Variants in EYS observed in about 807,000 individuals in gnomAD.
EYS encodes EGF-like photoreceptor maintenance factor.
Under a neutral mutation model 282.1 loss-of-function variants are expected in EYS, and 250 were observed. The observed-to-expected ratio is 0.89, with a 90% CI of 0.80 to 0.98. EYS has a LOEUF of 0.98. EYS is among the 50% of genes least tolerant of loss of function. EYS has a pLI of 0.00. For missense variants in EYS, 4,016 were observed against 3,709.0 expected (o/e 1.08, Z -2.15); for synonymous variants, 1,355 against 1,282.9 (o/e 1.06, Z -1.20).
intron 12 of EYS, among the ~76,000 whole-genome samples, chr6:65,135,701 T>C (rs561784068): frequency 6.6e-6 from 1 of 152,062 alleles, no homozygotes; most frequent in South Asian, 2.1e-4. Flanking sequence ...ATCTGTCCAA[T>C]TTGGTATTTT....
intron 40 of EYS, among the ~76,000 whole-genome samples, chr6:63,765,659 C>T (rs1769769661): frequency 6.6e-6 from 1 of 151,906 alleles, no homozygotes; most frequent in Non-Finnish European, 1.5e-5. Flanking sequence ...TCCAATTATA[C>T]TTCCTTAGTT....
chr6:64,230,609 C>T lies in EYS; in HGVS notation c.6407G>A (p.Gly2136Asp). Residue 2136 changes from glycine (G) to aspartate (D), a missense_variant, in exon 31 of 43, where the codon GGC becomes GAC. Gly to Asp is a moderately conservative substitution (Grantham distance 94). Transcript: ENST00000503581. ...FQCDCPLHFTGRFCEKDAGLF... is the reference protein window; with the variant it reads ...FQCDCPLHFTDRFCEKDAGLF... ...TTGATTACCTTTTTCACAGAAGCGG[C>T]CAGTGAAATGTAGTGGACAGTCACA... The T allele has an allele frequency of 1.9e-6, 3 of 1,546,338 alleles. No homozygotes were observed. Among genetic ancestry groups the T allele is most frequent in the Non-Finnish European group, 2.6e-6 (3 of 1,142,524 alleles).
At chr6:64,508,711 G>A (rs575757236) in intron 26 of EYS, among the ~76,000 whole-genome samples, 1 of 151,794 alleles carries the variant, frequency 6.6e-6, no homozygotes, top group Admixed American at 6.6e-5. Context: ...GAAGAGCTTT[G>A]GTTTATGTGA....
At chr6:64,757,241 C>T (rs1772970706) in intron 22 of EYS, among the ~76,000 whole-genome samples, 1 of 152,238 alleles carries the variant, frequency 6.6e-6, no homozygotes, top group African/African-American at 2.4e-5. Context: ...AGGAATCCTT[C>T]TCCAACCTGA....
chr6:64,261,802 T>C (rs1767599109), intron 30 of EYS, among the ~76,000 whole-genome samples: 1 of 151,932 alleles, frequency 6.6e-6, no homozygotes, highest in East Asian at 1.9e-4. Flanking sequence ...TTTTTTTTCT[T>C]TTTCTGGAGT....
chr6:63,995,031 A>G (rs574159126), intron 34 of EYS, among the ~76,000 whole-genome samples: 65 of 152,072 alleles, frequency 4.3e-4, no homozygotes, highest in African/African-American at 1.5e-3. Flanking sequence ...AGTGGGACCT[A>G]TGTCAAAAAA....
intron 5 of EYS, among the ~76,000 whole-genome samples, chr6:65,434,470 G>A (rs866947410): frequency 1.2e-4 from 19 of 152,008 alleles, no homozygotes; most frequent in Non-Finnish European, 2.1e-4. Context: ...ACAGGCGCCC[G>A]CCACCACGCC....
At chr6:64,881,332 A>C (rs1232446484) in intron 19 of EYS, among the ~76,000 whole-genome samples, 1 of 151,816 alleles carries the variant, frequency 6.6e-6, no homozygotes, top group Non-Finnish European at 1.5e-5. Context: ...CTAAGTGCCG[A>C]ATGATGTTGT....
Position 65,417,424 on chromosome 6 carries a change from A to T in EYS, c.863-12057T>A, listed in dbSNP as rs149502213. ...GACTTTGCTAAGTTTCTAATGTGTG[A>T]CTCTCACCACTCAGCTCTTCCACTT... On this transcript the variant is annotated intron_variant, in intron 5 of 42. Coordinates refer to ENST00000503581, the MANE Select transcript of EYS (RefSeq NM_001142800.2). Among the ~76,000 whole-genome samples the T allele has an allele frequency of 8.6e-5, 13 of 151,956 alleles. No individual in the cohort carries two copies. The East Asian group carries it at 2.5e-3, about 30-fold the overall frequency.
chr6:64,425,557 G>A (rs1774376056), intron 28 of EYS, among the ~76,000 whole-genome samples: 1 of 151,608 alleles, frequency 6.6e-6, no homozygotes, highest in Non-Finnish European at 1.5e-5. Context: ...GAGAGGCTCA[G>A]GCAGGAGAAT....
At chr6:64,171,657 C>A (rs189173879) in intron 31 of EYS, among the ~76,000 whole-genome samples, 11 of 152,082 alleles carry the variant, frequency 7.2e-5, no homozygotes, top group Admixed American at 2.0e-4. Context: ...AACAAAATAC[C>A]CAGCTCAAAC....
Position 64,590,892 on chromosome 6 carries a change from A to G in EYS, c.4975T>C (p.Leu1659=). Residue 1659 remains leucine (L), a synonymous_variant, in exon 26 of 43, where the codon TTA becomes CTA. Coordinates refer to ENST00000503581, the MANE Select transcript of EYS (RefSeq NM_001142800.2). The stretch of plus-strand genomic sequence containing the variant: ...GATAAACAAGTCTTATCCAAACATA[A>G]ATTAACATCCAAATTACTTGATAGG... ...ITLSSNLDVN[L]CLDKTCLSIV... The G allele has an allele frequency of 6.4e-7, 1 of 1,550,556 alleles. No homozygotes were observed. Among genetic ancestry groups the G allele is most frequent in the Non-Finnish European group, 8.7e-7 (1 of 1,146,620 alleles).
chr6:64,681,691 CG>C (rs1455122342), intron 22 of EYS, among the ~76,000 whole-genome samples: 1 of 152,004 alleles, frequency 6.6e-6, no homozygotes, highest in Non-Finnish European at 1.5e-5. Context: ...CAGGATGTTG[CG>C]GGACAATCAA....
At chr6:63,839,740 A>C (rs1432939968) in intron 36 of EYS, among the ~76,000 whole-genome samples, 1 of 152,196 alleles carries the variant, frequency 6.6e-6, no homozygotes, top group African/African-American at 2.4e-5. Flanking sequence ...CATACCCAGC[A>C]GTGGAACTGT....
chr6:64,849,217 C>A (rs1320190526), intron 19 of EYS, among the ~76,000 whole-genome samples: 1 of 151,756 alleles, frequency 6.6e-6, no homozygotes, highest in African/African-American at 2.4e-5. Flanking sequence ...GCCTGCTTTA[C>A]AGAATGTTCA....
At chr6:64,020,088 A>G (rs1769114204) in intron 33 of EYS, among the ~76,000 whole-genome samples, 1 of 152,044 alleles carries the variant, frequency 6.6e-6, no homozygotes, top group Middle Eastern at 3.2e-3. Context: ...TAGTATCTAC[A>G]TTTATTGCTA....
chr6:65,704,770 G>GA (rs1374304320), intron 1 of EYS, among the ~76,000 whole-genome samples: 2 of 152,098 alleles, frequency 1.3e-5, no homozygotes, highest in Non-Finnish European at 2.9e-5. Context: ...GCATAACACT[G>GA]AAAGTAAAAT....
intron 12 of EYS, among the ~76,000 whole-genome samples, chr6:65,151,004 T>C (rs1764598570): frequency 1.3e-5 from 2 of 152,054 alleles, no homozygotes; most frequent in African/African-American, 4.8e-5. Flanking sequence ...ACATCTAATC[T>C]TCAAAATGTT....
rs187199454 is a variant in EYS at position 64,997,562 on chromosome 6, A to G, written c.2259+20T>C. ...ATATTAGTCCACATTTAGGTATATAAAAAGCCAGTGGATACTAACGAGATG... is the reference window on the plus strand; with the variant it reads ...ATATTAGTCCACATTTAGGTATATAGAAAGCCAGTGGATACTAACGAGATG... On this transcript the variant is annotated intron_variant, in intron 14 of 42. Coordinates refer to ENST00000503581, the MANE Select transcript of EYS (RefSeq NM_001142800.2). The G allele has an allele frequency of 4.8e-5, 74 of 1,549,350 alleles. No homozygotes were observed. In the African/African-American group the frequency reaches 9.3e-4, roughly 19 times the overall value.
Sources: gnomAD v4.1 joint callset for allele counts (sites outside exome capture counted in the v4.1 genomes callset) on GRCh38, gnomAD v4.1.1 for gene constraint, MANE v1.5 for transcripts, NCBI Gene and HGNC (gene_info 2026-07-23, HGNC 2026-07-21) for gene names.